ARVCF: variants seen among roughly 807,000 people sequenced by gnomAD.
ARVCF encodes splicing regulator ARVCF.
In ARVCF, 66 loss-of-function variants were observed where a neutral mutation model predicts 90.9. The observed-to-expected ratio is 0.73, with a 90% confidence interval of 0.60 to 0.89. The LOEUF (loss-of-function observed/expected upper bound fraction) is 0.89. ARVCF is among the 40% of genes least tolerant of loss of function. ARVCF has a pLI of 0.00. For missense variants in ARVCF, 1,469 were observed against 1,382.3 expected, an observed-to-expected ratio of 1.06 and a Z score of -1.00; for synonymous variants, 653 against 603.4, an observed-to-expected ratio of 1.08 and a Z score of -1.21.
At position 19,973,023 on chromosome 22, in the gene ARVCF, C is replaced by T. The variant is rs921290428; in HGVS notation, c.2452G>A (p.Glu818Lys). Residue 818 changes from glutamate to lysine, a missense_variant, in exon 15 of 20, where the codon GAA (glutamate) becomes AAA (lysine). Glu to Lys is a moderately conservative substitution (Grantham distance 56). Transcript: ENST00000263207. ...ALVASSQSVR[E>K]AKAASHVLQT... Reference sequence around the variant, plus strand: ...AGCACGTGTGACGCCGCCTTCGCTTCGCGTACCGATTGGCTGTGGGGCCGG... The same window carrying T: ...AGCACGTGTGACGCCGCCTTCGCTTTGCGTACCGATTGGCTGTGGGGCCGG... 2.5e-6 allele frequency: 4 copies of T among 1,613,102 alleles called. No individual in the cohort carries two copies. Among genetic ancestry groups the T allele is most frequent in the African/African-American group, 2.7e-5 (2 of 74,932 alleles).
At chr22:19,975,625 C>T in intron 11 of ARVCF, 61 bp downstream of exon 11, 2 of 1,592,012 alleles carry the variant, frequency 1.3e-6, no homozygotes, top group Non-Finnish European at 1.7e-6. Context: ...AGCTTCACTA[C>T]CAGGGCAATC....
intron 2 of ARVCF, among the ~76,000 whole-genome samples, chr22:19,993,430 G>A (rs1332673959): frequency 6.6e-6 from 1 of 152,246 alleles, no homozygotes; most frequent in Non-Finnish European, 1.5e-5. Context: ...TAAGATCGAT[G>A]GGGCCTGAGT....
In ARVCF at chr22:20,016,806, C is replaced by T. The variant is rs1419330219; in HGVS notation, c.-290G>A. On this transcript the variant is annotated 5_prime_UTR_variant, in exon 1 of 20. Coordinates refer to ENST00000263207, the MANE Select transcript of ARVCF (RefSeq NM_001670.3). ...GAGACCCCGGGCCAGCCCTCCCGCC[C>T]TCACGCGGCCCGTGCGCAAAGCGGA... 6.6e-6 allele frequency: 1 copy of T among 151,750 alleles called. No homozygotes were observed. The highest frequency in any genetic ancestry group is 1.5e-5 in the Non-Finnish European group (1 of 67,892). 9.4% of individuals were successfully genotyped at this position (151,750 alleles called of 1,614,324 possible). A position where few individuals can be genotyped will look rare whatever the true frequency, so the allele number is the denominator to read the frequency against.
chr22:20,003,794 C>T (rs1293970031), intron 2 of ARVCF, among the ~76,000 whole-genome samples: 1 of 152,192 alleles, frequency 6.6e-6, no homozygotes, highest in Non-Finnish European at 1.5e-5. Flanking sequence ...AGCTTTTCTC[C>T]TAAGATCATA....
intron 1 of ARVCF, among the ~76,000 whole-genome samples, chr22:20,014,045 T>C (rs1049587932): frequency 6.7e-6 from 1 of 149,726 alleles, no homozygotes; most frequent in Non-Finnish European, 1.5e-5. Context: ...GCTAATTTGT[T>C]TTGTATTTTT....
At chr22:19,971,049 C>G (rs904645430) in intron 19 of ARVCF, among the ~76,000 whole-genome samples, 167 bp downstream of exon 19, 1 of 152,174 alleles carries the variant, frequency 6.6e-6, no homozygotes, top group African/African-American at 2.4e-5. Context: ...CCTCTCTGAC[C>G]TCTGCCTGGT....
At position 19,982,068 on chromosome 22, in the gene ARVCF, G is replaced by A. The variant is rs1399086264; in HGVS notation, c.234C>T (p.Ala78=). Residue 78 remains alanine, a synonymous_variant, in exon 4 of 20, where the codon GCC becomes GCT. Coordinates refer to ENST00000263207, the MANE Select transcript of ARVCF (RefSeq NM_001670.3). ...GTGCCTCCGGCATCGTGGCCAGTGAGGCCTGGCTGCCTGGGCTCTGCTCCT... is the reference window on the plus strand; with the variant it reads ...GTGCCTCCGGCATCGTGGCCAGTGAAGCCTGGCTGCCTGGGCTCTGCTCCT... ...VLQEQSPGSQ[A]SLATMPEAPD... The A allele has an allele frequency of 6.2e-7, 1 of 1,612,266 alleles. No homozygotes were observed. The highest frequency in any genetic ancestry group is 8.5e-7 in the Non-Finnish European group (1 of 1,179,940).
At position 19,975,745 on chromosome 22, in the gene ARVCF, C is replaced by A; in HGVS notation, c.1901G>T (p.Gly634Val). 1 of 1,613,610 alleles carries A rather than the reference C, an allele frequency of 6.2e-7. No individual in the cohort carries two copies. Among genetic ancestry groups the A allele is most frequent in the Non-Finnish European group, 8.5e-7 (1 of 1,179,958 alleles). ...EEWFHQGKKDGEMDRNFDTLD... is the reference protein window; with the variant it reads ...EEWFHQGKKDVEMDRNFDTLD... Reference sequence around the variant, plus strand: ...CGTGTCAAAGTTCCGGTCCATCTCACCATCCTTCTTTCCTGGAAGGGAAAG... The same window carrying A: ...CGTGTCAAAGTTCCGGTCCATCTCAACATCCTTCTTTCCTGGAAGGGAAAG... Residue 634 changes from glycine to valine, a missense_variant, in exon 11 of 20, where the codon GGT (glycine) becomes GTT (valine). By Grantham distance (109) the Gly-to-Val change is moderately radical. Coordinates refer to ENST00000263207, the MANE Select transcript of ARVCF (RefSeq NM_001670.3).
At chr22:19,996,272 G>A (rs1473024142) in intron 2 of ARVCF, among the ~76,000 whole-genome samples, 5 of 150,996 alleles carry the variant, frequency 3.3e-5, no homozygotes, top group African/African-American at 4.9e-5. Flanking sequence ...GAGGAAAGAC[G>A]CACAAGCGTG....
chr22:20,012,031 C>A (rs1220009641), intron 1 of ARVCF, among the ~76,000 whole-genome samples: 8 of 151,720 alleles, frequency 5.3e-5, no homozygotes, highest in Non-Finnish European at 1.2e-4. Flanking sequence ...CAGACAAGGG[C>A]TGGGCCAGGA....
chr22:19,983,036 C>A (rs1943587530), intron 3 of ARVCF, among the ~76,000 whole-genome samples: 1 of 152,232 alleles, frequency 6.6e-6, no homozygotes. Context: ...CCAACCCCTG[C>A]CGCGCTGAGT....
At chr22:19,967,835 A>G (rs987181631), downstream of ARVCF, 2 of 207,736 alleles carry the variant, frequency 9.6e-6, no homozygotes, top group Admixed American at 5.3e-5. Flanking sequence ...ATGTAAGCAA[A>G]CCCTTTTCTG....
downstream of ARVCF, among the ~76,000 whole-genome samples, chr22:19,966,787 CA>C (rs1342763405): frequency 6.6e-6 from 1 of 152,182 alleles, no homozygotes; most frequent in Non-Finnish European, 1.5e-5. Flanking sequence ...CTCTGTCGCC[CA>C]GGCTGGAGTG....
chr22:19,967,548 C>A, downstream of ARVCF: 2 of 379,390 alleles, frequency 5.3e-6, no homozygotes, highest in East Asian at 7.2e-5. Context: ...CTGCAGCATA[C>A]AGGCTGGAAA....
At chr22:19,988,074 C>A (rs1360877016) in intron 3 of ARVCF, among the ~76,000 whole-genome samples, 2 of 152,170 alleles carry the variant, frequency 1.3e-5, no homozygotes, top group Non-Finnish European at 2.9e-5. Flanking sequence ...GTGGGTCTGG[C>A]AAGAGAAAGG....
At chr22:19,974,330 C>A in intron 11 of ARVCF, 91 bp from the exon 12 acceptor site, 1 of 1,442,830 alleles carries the variant, frequency 6.9e-7, no homozygotes, top group Non-Finnish European at 9.2e-7. Flanking sequence ...GCTCCCAGGG[C>A]GTGGGTGAGC....
chr22:19,979,970 T>C lies in ARVCF; in HGVS notation c.1169A>G (p.Glu390Gly), dbSNP rs1428249425. The change falls in exon 6 of 20, where the codon GAG becomes GGG. Residue 390 changes from glutamate (E) to glycine (G), a missense_variant. By Grantham distance (98) the Glu-to-Gly change is moderately conservative. Coordinates refer to ENST00000263207, the MANE Select transcript of ARVCF (RefSeq NM_001670.3). ...AYLQHLCFEN[E>G]GVKRRVRQLR... is the part of the protein sequence containing the mutation. Reference sequence around the variant, plus strand: ...CTGCCGTACACGCCGCTTGACACCCTCGTTCTCAAAGCACAGATGCTGCAG... The same window carrying C: ...CTGCCGTACACGCCGCTTGACACCCCCGTTCTCAAAGCACAGATGCTGCAG... 2 of 1,595,922 alleles carry C rather than the reference T, an allele frequency of 1.3e-6. No homozygotes were observed. The highest frequency in any genetic ancestry group is 1.7e-6 in the Non-Finnish European group (2 of 1,171,964).
At chr22:20,002,211 T>C (rs1944471287) in intron 2 of ARVCF, among the ~76,000 whole-genome samples, 1 of 152,234 alleles carries the variant, frequency 6.6e-6, no homozygotes, top group African/African-American at 2.4e-5. Flanking sequence ...CTCTGGCTTT[T>C]ACAATTCAGT....
intron 19 of ARVCF, 103 bp downstream of exon 19, chr22:19,971,113 G>A: frequency 6.5e-7 from 1 of 1,533,878 alleles, no homozygotes; most frequent in Non-Finnish European, 8.8e-7. Context: ...GTCCTGCGGG[G>A]AACGTGCGGG....
Sources: allele counts gnomAD v4.1 joint callset (sites outside exome capture counted in the v4.1 genomes callset), GRCh38; gene constraint gnomAD v4.1.1; transcripts MANE v1.5; gene names NCBI Gene and HGNC (gene_info 2026-07-23, HGNC 2026-07-21).